The following RPS27L variants were observed in gnomAD, a reference collection of about 807,000 sequenced individuals.
RPS27L encodes ribosomal protein S27 like.
A neutral mutation model predicts 12.8 loss-of-function variants in RPS27L; 10 were observed. The ratio of observed to expected loss-of-function variants is 0.78; its 90% CI spans 0.48 to 1.33. The LOEUF is 1.33. Ranked by LOEUF, RPS27L falls within the 40% of genes most tolerant of loss-of-function variation. RPS27L has a pLI of 0.00. For synonymous variants in RPS27L, 26 were observed against 32.3 expected (o/e 0.81, Z 0.66); for missense variants, 81 against 97.4 (o/e 0.83, Z 0.71).
rs1214497666 is a variant in RPS27L at position 63,156,479 on chromosome 15, T to C, written c.49A>G (p.Lys17Glu). ...LLHPSLEEEK[K>E]KHKKKRLVQS... ...ACTAGGCGTTTCTTTTTATGTTTTT[T>C]CTTTTCCTCTTCCAAGGACGGATGT... The change falls in exon 2 of 4, where the codon AAA (lysine) becomes GAA (glutamate). Residue 17 changes from lysine to glutamate, a missense_variant. Coordinates refer to ENST00000330964, the MANE Select transcript of RPS27L (RefSeq NM_015920.4). The C allele has an allele frequency of 6.2e-7, 1 of 1,607,918 alleles. No homozygotes were observed. The highest frequency in any genetic ancestry group is 1.7e-5 in the Admixed American group (1 of 59,162).
chr15:63,154,224 CATCT>C, intron 3 of RPS27L, 164 bp from the exon 4 acceptor site: 2 of 597,294 alleles, frequency 3.3e-6, no homozygotes, highest in East Asian at 5.7e-5. Flanking sequence ...TGCTATAATA[CATCT>C]ATCATATCTG....
At position 63,149,359 on chromosome 15, in the gene RPS27L, C is replaced by G. The variant is rs138523408; in HGVS notation, c.*4673G>C. The G allele has an allele frequency of 2.0e-5, 3 of 151,934 alleles. No homozygotes were observed. The East Asian group carries it at 5.8e-4, about 30-fold the overall frequency. The allele number at this position is 151,934 out of a possible 1,614,324, so 9.4% of individuals were successfully genotyped here. On this transcript the variant is annotated 3_prime_UTR_variant, in exon 4 of 4. Transcript: ENST00000330964. ...CAGGCGGATCACGAGGTCAGCAGAT[C>G]GAGACCATCCTGGCTAACACGGTGA... is the stretch of plus-strand genomic sequence containing the variant.
chr15:63,150,158 A>G lies in RPS27L; in HGVS notation c.*3874T>C, dbSNP rs1177051358. The G allele has an allele frequency of 6.6e-6, 1 of 152,246 alleles. No individual in the cohort carries two copies. Among genetic ancestry groups the G allele is most frequent in the Non-Finnish European group, 1.5e-5 (1 of 68,042 alleles). 9.4% of individuals were successfully genotyped at this position (152,246 alleles called of 1,614,324 possible). A position where few individuals can be genotyped will look rare whatever the true frequency, so the allele number is the denominator to read the frequency against. Reference sequence around the variant, plus strand: ...TAAACATTGTATATTATTACACAGAATATTGTCAAAAAAAGGAATGAAATA... The same window carrying G: ...TAAACATTGTATATTATTACACAGAGTATTGTCAAAAAAAGGAATGAAATA... On this transcript the variant is annotated 3_prime_UTR_variant, in exon 4 of 4. Transcript: ENST00000330964.
At position 63,153,726 on chromosome 15, in the gene RPS27L, CAAAAA is replaced by C; in HGVS notation, c.*301_*305del. 5.3e-6 allele frequency: 1 copy of C among 189,068 alleles called. No homozygotes were observed. The highest frequency in any genetic ancestry group is 9.6e-6 in the Non-Finnish European group (1 of 104,256). 11.7% of individuals were successfully genotyped at this position (189,068 alleles called of 1,614,324 possible). A position where few individuals can be genotyped will look rare whatever the true frequency, so the allele number is the denominator to read the frequency against. On this transcript the variant is annotated 3_prime_UTR_variant, in exon 4 of 4. Transcript: ENST00000330964. ...AGTGACAGAGCAGGACTCTCTCTCT[CAAAAA>C]AAAAAAAAAAGACACAAACTAATCA...
chr15:63,157,417 T>C lies in RPS27L; in HGVS notation c.-12A>G, dbSNP rs1409857198. On this transcript the variant is annotated 5_prime_UTR_variant, in exon 1 of 4. Transcript: ENST00000330964. Reference sequence around the variant, plus strand: ...CAACTCACAGGCATGTTGATCCTCTTGCAAGCTCAGCCCTACCAGACCTCC... The same window carrying C: ...CAACTCACAGGCATGTTGATCCTCTCGCAAGCTCAGCCCTACCAGACCTCC... 4 of 1,614,060 alleles carry C rather than the reference T, an allele frequency of 2.5e-6. No individual in the cohort carries two copies. The highest frequency in any genetic ancestry group is 1.1e-5 in the South Asian group (1 of 91,082).
At position 63,148,939 on chromosome 15, in the gene RPS27L, A is replaced by C. The variant is rs2037282228; in HGVS notation, c.*5093T>G. On this transcript the variant is annotated 3_prime_UTR_variant, in exon 4 of 4. Transcript: ENST00000330964. ...AGTGGTACGATCTGGGCTCACTGCAAGCTCCGCCTCCCAGGTTCAAGCAAT... is the reference window on the plus strand; with the variant it reads ...AGTGGTACGATCTGGGCTCACTGCACGCTCCGCCTCCCAGGTTCAAGCAAT... 1 of 148,624 alleles carries C rather than the reference A, an allele frequency of 6.7e-6. No homozygotes were observed. The highest frequency in any genetic ancestry group is 2.1e-4 in the South Asian group (1 of 4,752). 9.2% of individuals were successfully genotyped at this position (148,624 alleles called of 1,614,324 possible). A position where few individuals can be genotyped will look rare whatever the true frequency, so the allele number is the denominator to read the frequency against.
intron 3 of RPS27L, 128 bp downstream of exon 3, chr15:63,155,493 C>T: frequency 1.7e-6 from 1 of 595,476 alleles, no homozygotes; most frequent in Non-Finnish European, 3.0e-6. Flanking sequence ...CCATTCTTTA[C>T]TGAAAGCACA....
intron 1 of RPS27L, 194 bp downstream of exon 1, chr15:63,157,206 C>T: frequency 1.5e-6 from 1 of 654,816 alleles, no homozygotes. Flanking sequence ...AGCCCACGCC[C>T]CTGCAGGGCC....
chr15:63,156,350 C>G, intron 2 of RPS27L, 63 bp downstream of exon 2: 1 of 825,950 alleles, frequency 1.2e-6, no homozygotes, highest in Admixed American at 2.4e-5. Flanking sequence ...TAACTATACA[C>G]ACCACACTAG....
In RPS27L at chr15:63,151,648, T is replaced by A. The variant is rs1251586298; in HGVS notation, c.*2384A>T. 1 of 152,194 alleles carries A rather than the reference T, an allele frequency of 6.6e-6. No homozygotes were observed. The highest frequency in any genetic ancestry group is 2.4e-5 in the African/African-American group (1 of 41,442). The allele number at this position is 152,194 out of a possible 1,614,324, so 9.4% of individuals were successfully genotyped here. A position where few individuals can be genotyped will look rare whatever the true frequency, so the allele number is the denominator to read the frequency against. Reference sequence around the variant, plus strand: ...TTTGATTCCTTCTCATCAAAAGCTGTCATCCCACTGTCTCTCCTTATAGCC... The same window carrying A: ...TTTGATTCCTTCTCATCAAAAGCTGACATCCCACTGTCTCTCCTTATAGCC... On this transcript the variant is annotated 3_prime_UTR_variant, in exon 4 of 4. Transcript: ENST00000330964.
At chr15:63,157,336 C>T (rs2037339604) in intron 1 of RPS27L, 64 bp downstream of exon 1, 23 of 1,572,740 alleles carry the variant, frequency 1.5e-5, no homozygotes, top group Non-Finnish European at 1.9e-5. Flanking sequence ...CGGACTCATC[C>T]GTCCCATATG....
chr15:63,153,379 G>C lies in RPS27L; in HGVS notation c.*653C>G, dbSNP rs1334039165. ...ACTATTCTTTTTAATTATAGTTTAA[G>C]TTCTGGGGTACACGTGCAGGACGTG... is the stretch of plus-strand genomic sequence containing the variant. On this transcript the variant is annotated 3_prime_UTR_variant, in exon 4 of 4. Coordinates refer to ENST00000330964, the MANE Select transcript of RPS27L (RefSeq NM_015920.4). 1 of 152,204 alleles carries C rather than the reference G, an allele frequency of 6.6e-6. No individual in the cohort carries two copies. Among genetic ancestry groups the C allele is most frequent in the African/African-American group, 2.4e-5 (1 of 41,442 alleles). The allele number at this position is 152,204 out of a possible 1,614,324, so 9.4% of individuals were successfully genotyped here.
rs1225296930 is a variant in RPS27L at position 63,148,429 on chromosome 15, C to T, written c.*5603G>A. The T allele has an allele frequency of 1.3e-5, 2 of 151,962 alleles. No individual in the cohort carries two copies. Among genetic ancestry groups the T allele is most frequent in the African/African-American group, 4.8e-5 (2 of 41,380 alleles). 9.4% of individuals were successfully genotyped at this position (151,962 alleles called of 1,614,324 possible). ...ACATAGAGTCATAATCTTACACAAC[C>T]CCTCTGTTCTAAATACATAGCATGA... On this transcript the variant is annotated 3_prime_UTR_variant, in exon 4 of 4. Transcript: ENST00000330964.
chr15:63,157,175 C>G (rs534941272), intron 1 of RPS27L: 1 of 601,614 alleles, frequency 1.7e-6, no homozygotes, highest in African/African-American at 1.9e-5. Context: ...GTTCCCCTCC[C>G]AGCCACCGCC....
chr15:63,150,951 A>C lies in RPS27L; in HGVS notation c.*3081T>G, dbSNP rs528113051. The C allele has an allele frequency of 3.3e-4, 50 of 152,208 alleles. No individual in the cohort carries two copies. Among genetic ancestry groups the C allele is most frequent in the African/African-American group, 1.2e-3 (49 of 41,546 alleles). 9.4% of individuals were successfully genotyped at this position (152,208 alleles called of 1,614,324 possible). On this transcript the variant is annotated 3_prime_UTR_variant, in exon 4 of 4. Coordinates refer to ENST00000330964, the MANE Select transcript of RPS27L (RefSeq NM_015920.4). ...CACTGCGCCCGGCCTATTTTTAGCT[A>C]TCTTTATGTAACTGGTTTTTCCATT... is the stretch of plus-strand genomic sequence containing the variant.
intron 2 of RPS27L, 129 bp downstream of exon 2, chr15:63,156,284 T>C: frequency 1.7e-6 from 1 of 580,788 alleles, no homozygotes. Flanking sequence ...AAAATGTCCC[T>C]GACATTTCCA....
chr15:63,152,166 C>T lies in RPS27L; in HGVS notation c.*1866G>A, dbSNP rs34568831. ...TGGTGGCACGTGCCTGAAGTCTCCG[C>T]TACTCAGGAGGCAGAGGTGGGAGGC... is the stretch of plus-strand genomic sequence containing the variant. On this transcript the variant is annotated 3_prime_UTR_variant, in exon 4 of 4. Transcript: ENST00000330964. The T allele has an allele frequency of 0.063, 9,582 of 152,332 alleles. 408 individuals carry two copies. The highest frequency in any genetic ancestry group is 0.13 in the Middle Eastern group (38 of 294). The allele number at this position is 152,332 out of a possible 1,614,324, so 9.4% of individuals were successfully genotyped here. A position where few individuals can be genotyped will look rare whatever the true frequency, so the allele number is the denominator to read the frequency against.
In RPS27L at chr15:63,148,891, C is replaced by T. The variant is rs1273129134; in HGVS notation, c.*5141G>A. 7 of 138,512 alleles carry T rather than the reference C, an allele frequency of 5.1e-5. No homozygotes were observed. The highest frequency in any genetic ancestry group is 1.6e-4 in the Admixed American group (2 of 12,734). The allele number at this position is 138,512 out of a possible 1,614,324, so 8.6% of individuals were successfully genotyped here. A position where few individuals can be genotyped will look rare whatever the true frequency, so the allele number is the denominator to read the frequency against. ...TTTTTTTTTTTCTGAGACAGTCTTG[C>T]TCTGTCGCCCAGGCTGGAGTGCAGT... On this transcript the variant is annotated 3_prime_UTR_variant, in exon 4 of 4. Transcript: ENST00000330964.
Position 63,150,959 on chromosome 15 carries a change from G to A in RPS27L, c.*3073C>T, listed in dbSNP as rs946529946. On this transcript the variant is annotated 3_prime_UTR_variant, in exon 4 of 4. Coordinates refer to ENST00000330964, the MANE Select transcript of RPS27L (RefSeq NM_015920.4). The stretch of plus-strand genomic sequence containing the variant: ...CCGGCCTATTTTTAGCTATCTTTAT[G>A]TAACTGGTTTTTCCATTTAGGAAGC... 7 of 152,260 alleles carry A rather than the reference G, an allele frequency of 4.6e-5. No homozygotes were observed. The highest frequency in any genetic ancestry group is 1.7e-4 in the African/African-American group (7 of 41,564). 9.4% of individuals were successfully genotyped at this position (152,260 alleles called of 1,614,324 possible).
Sources: gnomAD v4.1 joint callset for allele counts on GRCh38, gnomAD v4.1.1 for gene constraint, MANE v1.5 for transcripts, NCBI Gene and HGNC (gene_info 2026-07-23, HGNC 2026-07-21) for gene names.